The following CORO2B variants were observed in gnomAD, a reference collection of about 807,000 sequenced individuals.
The protein encoded by CORO2B is coronin-2B.
CORO2B carries 26 observed loss-of-function variants against 58.8 expected under a neutral mutation model. That is an observed-to-expected ratio of 0.44 (90% CI 0.32 to 0.61). The LOEUF is 0.61. Among genes scored for constraint, CORO2B ranks in the 20% least tolerant of loss-of-function variants. The pLI, the probability that CORO2B is intolerant of heterozygous loss-of-function variation, is 0.04. For synonymous variants in CORO2B, 242 were observed against 253.8 expected (o/e 0.95, Z 0.44); for missense variants, 460 against 645.1 (o/e 0.71, Z 3.11).
intron 1 of CORO2B, among the ~76,000 whole-genome samples, chr15:68,633,752 T>C (rs1900935021): frequency 1.3e-5 from 2 of 152,224 alleles, no homozygotes; most frequent in South Asian, 4.1e-4. Context: ...CCTTTTACTC[T>C]AACAGAGATA....
chr15:68,595,829 T>C (rs1043926508), intron 1 of CORO2B, among the ~76,000 whole-genome samples: 2 of 152,168 alleles, frequency 1.3e-5, no homozygotes, highest in African/African-American at 4.8e-5. Flanking sequence ...AGCCATTGGC[T>C]CAGCATTGAA....
intron 9 of CORO2B, 28 bp downstream of exon 9, chr15:68,718,838 A>T (rs964630733): frequency 1.3e-6 from 2 of 1,571,558 alleles, no homozygotes; most frequent in African/African-American, 1.3e-5. Context: ...GGGCTCCAGG[A>T]GGGGGGCCTG....
chr15:68,710,723 C>G lies in CORO2B; in HGVS notation c.334-9C>G. The G allele has an allele frequency of 6.3e-7, 1 of 1,593,852 alleles. No homozygotes were observed. Among genetic ancestry groups the G allele is most frequent in the Non-Finnish European group, 8.6e-7 (1 of 1,168,810 alleles). On this transcript the variant is annotated splice_polypyrimidine_tract_variant and intron_variant, in intron 3 of 11. Transcript: ENST00000261861. The surrounding 1 kb of genome is among the most constrained non-coding windows in gnomAD (Gnocchi z 4.1). ...TCCACCCAGCCTGGACCCTCATCTC[C>G]CTCTGCAGGTGCGGATCTGGGAGAT...
At chr15:68,719,091 G>A (rs113304437) in intron 9 of CORO2B, 53 bp from the exon 10 acceptor site, 10 of 1,390,224 alleles carry the variant, frequency 7.2e-6, no homozygotes, top group East Asian at 2.3e-5. Context: ...TGAAGAGTAG[G>A]GGCTTTCCCA....
chr15:68,625,270 A>ATT (rs112881977), intron 1 of CORO2B, among the ~76,000 whole-genome samples: 14 of 149,318 alleles, frequency 9.4e-5, no homozygotes, highest in African/African-American at 2.2e-4. Context: ...TCTTCAGCTA[A>ATT]TTTTTTTTTT....
chr15:68,655,583 G>A (rs1901778283), intron 2 of CORO2B, among the ~76,000 whole-genome samples: 1 of 152,160 alleles, frequency 6.6e-6, no homozygotes, highest in African/African-American at 2.4e-5. Flanking sequence ...CAGAATCCTT[G>A]CCCTCAGCCA....
At chr15:68,713,338 G>A (rs866650823) in intron 5 of CORO2B, among the ~76,000 whole-genome samples, 1 of 152,202 alleles carries the variant, frequency 6.6e-6, no homozygotes, top group South Asian at 2.1e-4. Flanking sequence ...CTTGGTGGAC[G>A]TTGGCTCCCC....
At chr15:68,654,932 G>A (rs1566997426) in intron 2 of CORO2B, among the ~76,000 whole-genome samples, 1 of 152,218 alleles carries the variant, frequency 6.6e-6, no homozygotes, top group Non-Finnish European at 1.5e-5. Context: ...TCGAGGGGAA[G>A]GTACCCATAG....
chr15:68,568,406 T>G, the CORO2B span, among the ~76,000 whole-genome samples: 1 of 152,110 alleles, frequency 6.6e-6, no homozygotes, highest in Non-Finnish European at 1.5e-5. Context: ...TCATCATCAT[T>G]TCCATCATCA....
chr15:68,624,724 G>T (rs530580043), intron 1 of CORO2B, among the ~76,000 whole-genome samples: 2 of 150,624 alleles, frequency 1.3e-5, no homozygotes, highest in Non-Finnish European at 2.9e-5. Context: ...ATAGAGTCTC[G>T]CTCTGTCACC....
chr15:68,554,546 C>G, the CORO2B span, among the ~76,000 whole-genome samples: 2 of 152,148 alleles, frequency 1.3e-5, no homozygotes, highest in African/African-American at 4.8e-5. Flanking sequence ...CATGTGAGGT[C>G]CTATGACTGC....
chr15:68,714,487 GC>G, intron 6 of CORO2B, 71 bp from the exon 7 acceptor site: 1 of 1,160,164 alleles, frequency 8.6e-7, no homozygotes. Flanking sequence ...ATCCTAAGAG[GC>G]CTTCCTGGGA....
At chr15:68,617,647 T>A (rs1038420642) in intron 1 of CORO2B, among the ~76,000 whole-genome samples, 3 of 152,216 alleles carry the variant, frequency 2.0e-5, no homozygotes, top group Non-Finnish European at 2.9e-5. Context: ...TTCCTTGCTG[T>A]GTTCTCTCCC....
intron 10 of CORO2B, 77 bp from the exon 11 acceptor site, chr15:68,719,336 C>T (rs1223538177): frequency 3.7e-6 from 6 of 1,603,736 alleles, no homozygotes; most frequent in Non-Finnish European, 5.1e-6. Flanking sequence ...TTGAACTTCC[C>T]TCCCACCCAG....
At chr15:68,584,531 C>T (rs1199484103) in intron 1 of CORO2B, among the ~76,000 whole-genome samples, 1 of 152,106 alleles carries the variant, frequency 6.6e-6, no homozygotes, top group Admixed American at 6.5e-5. Flanking sequence ...TGAGTTTTTC[C>T]ACTTCTCTCC....
chr15:68,541,305 G>T, the CORO2B span, among the ~76,000 whole-genome samples: 1 of 152,128 alleles, frequency 6.6e-6, no homozygotes, highest in East Asian at 1.9e-4. Context: ...GTGATTTCAG[G>T]GTCATCATGT....
intron 11 of CORO2B, among the ~76,000 whole-genome samples, chr15:68,725,279 G>A (rs759385927): frequency 1.4e-4 from 21 of 152,238 alleles, no homozygotes; most frequent in Non-Finnish European, 2.2e-4. Flanking sequence ...TGAGGCAGGA[G>A]AATTGTTTGA....
chr15:68,667,165 C>T (rs976977125), intron 2 of CORO2B, among the ~76,000 whole-genome samples: 1 of 152,176 alleles, frequency 6.6e-6, no homozygotes, highest in East Asian at 1.9e-4. Context: ...ACCCTGGCTC[C>T]ATGGCTTGGC....
In CORO2B at chr15:68,714,658, G is replaced by A; in HGVS notation, c.865G>A (p.Gly289Arg). ...DADTHMLYLA[G>R]KGDGNIRYYE... ...TGACACCCACATGCTCTACCTGGCT[G>A]GAAAGGTAGTAGGAGGTGGGGGAGG... The change falls in exon 7 of 12, where the codon GGA becomes AGA. Residue 289 changes from glycine to arginine, a missense_variant. This residue lies in a region of CORO2B where 352 missense variants were observed against 543.0 expected (regional missense o/e 0.65). Coordinates refer to ENST00000261861, the MANE Select transcript of CORO2B (RefSeq NM_006091.5). 1 of 1,613,046 alleles carries A rather than the reference G, an allele frequency of 6.2e-7. No individual in the cohort carries two copies. Among genetic ancestry groups the A allele is most frequent in the Non-Finnish European group, 8.5e-7 (1 of 1,179,124 alleles).
Sources: gnomAD v4.1 joint callset for allele counts (sites outside exome capture counted in the v4.1 genomes callset) on GRCh38, gnomAD v4.1.1 for gene constraint, gnomAD v4.1.1 regional missense constraint, Gnocchi (gnomAD v3.1) non-coding constraint, MANE v1.5 for transcripts, NCBI Gene and HGNC (gene_info 2026-07-23, HGNC 2026-07-21) for gene names.